The following PSTPIP1 variants were observed in gnomAD, a reference collection of about 807,000 sequenced individuals.
The protein encoded by PSTPIP1 is proline-serine-threonine phosphatase-interacting protein 1.
A neutral mutation model predicts 69.6 loss-of-function variants in PSTPIP1; 66 were observed. The observed-to-expected ratio is 0.95, with a 90% CI of 0.78 to 1.16. The LOEUF is 1.16. Ranked by LOEUF, PSTPIP1 falls within the 50% of genes most tolerant of loss-of-function variation. The pLI, the probability that PSTPIP1 is intolerant of heterozygous loss-of-function variation, is 0.00. For synonymous variants in PSTPIP1, 266 were observed against 222.7 expected (o/e 1.19, Z -1.73); for missense variants, 603 against 557.4 (o/e 1.08, Z -0.82).
At chr15:77,030,317 C>T (rs2076384042) in intron 8 of PSTPIP1, among the ~76,000 whole-genome samples, 185 bp from the exon 9 acceptor site, 1 of 152,260 alleles carries the variant, frequency 6.6e-6, no homozygotes, top group Admixed American at 6.5e-5. Flanking sequence ...AGTTGGGGAG[C>T]AGCAGCAGCA....
At chr15:76,997,469 T>C (rs1219957063) in intron 1 of PSTPIP1, among the ~76,000 whole-genome samples, 1 of 152,248 alleles carries the variant, frequency 6.6e-6, no homozygotes, top group Admixed American at 6.5e-5. Context: ...GCACGAAAGA[T>C]GTGCCAGGCG....
chr15:77,030,652 C>A, intron 9 of PSTPIP1, 71 bp downstream of exon 9: 2 of 1,437,524 alleles, frequency 1.4e-6, no homozygotes, highest in Non-Finnish European at 1.9e-6. Context: ...ACTCCAGCTG[C>A]TTAAAGGGGC....
rs957529956 is a variant in PSTPIP1 at position 77,007,237 on chromosome 15, A to G, written c.37-10911A>G. ...GGAGGGAAGGCCTGGAGGCTGGGTCACCAACTTCCTCAGTGGATCAAGATA... is the reference window on the plus strand; with the variant it reads ...GGAGGGAAGGCCTGGAGGCTGGGTCGCCAACTTCCTCAGTGGATCAAGATA... On this transcript the variant is annotated intron_variant, in intron 1 of 14. Transcript: ENST00000558012. Among the ~76,000 whole-genome samples, 6 of 152,294 alleles carry G rather than the reference A, an allele frequency of 3.9e-5. No individual in the cohort carries two copies. In the South Asian group the frequency reaches 1.2e-3, roughly 32 times the overall value.
At chr15:77,035,468 T>C in intron 12 of PSTPIP1, 40 bp from the exon 13 acceptor site, 1 of 1,557,972 alleles carries the variant, frequency 6.4e-7, no homozygotes, top group Non-Finnish European at 8.7e-7. Context: ...TCCCTGAGTG[T>C]GGGGCGGGGA....
At position 77,028,566 on chromosome 15, in the gene PSTPIP1, T is replaced by A. The variant is rs377240256; in HGVS notation, c.430T>A (p.Tyr144Asn). ...YKKAMESKKT[Y>N]EQKCRDADDA... ...TCCACACCCCCAGTCCAAGAAGACA[T>A]ACGAGCAGAAGTGCCGGGACGCGGA... The change falls in exon 7 of 15, where the codon TAC becomes AAC. Residue 144 changes from tyrosine to asparagine, a missense_variant. Coordinates refer to ENST00000558012, the MANE Select transcript of PSTPIP1 (RefSeq NM_003978.5). 1.9e-6 allele frequency: 3 copies of A among 1,601,642 alleles called. No individual in the cohort carries two copies. The highest frequency in any genetic ancestry group is 1.7e-5 in the Admixed American group (1 of 58,234).
At chr15:77,006,187 C>T (rs973517969) in intron 1 of PSTPIP1, among the ~76,000 whole-genome samples, 5 of 151,936 alleles carry the variant, frequency 3.3e-5, no homozygotes, top group Admixed American at 2.6e-4. Context: ...AATATCTCAT[C>T]GTAGTTTTGA....
intron 1 of PSTPIP1, among the ~76,000 whole-genome samples, chr15:77,004,687 T>TAAA (rs71143383): frequency 1.4e-5 from 2 of 142,668 alleles, no homozygotes; most frequent in Non-Finnish European, 1.5e-5. Flanking sequence ...AACCACTTCT[T>TAAA]AAAAAAAAAA....
In PSTPIP1 at chr15:77,020,879, G is replaced by C. The variant is rs77589398; in HGVS notation, c.212+2348G>C. Among the ~76,000 whole-genome samples, 9 of 128,300 alleles carry C rather than the reference G, an allele frequency of 7.0e-5. No homozygotes were observed. The East Asian group carries it at 9.8e-4, about 14-fold the overall frequency. 84.2% of individuals were successfully genotyped at this position (128,300 alleles called of 152,430 possible). A position where few individuals can be genotyped will look rare whatever the true frequency, so the allele number is the denominator to read the frequency against. On this transcript the variant is annotated intron_variant, in intron 3 of 14. Coordinates refer to ENST00000558012, the MANE Select transcript of PSTPIP1 (RefSeq NM_003978.5). ...ATCTTAGACTCCTGTGGGGGGGGGG[G>C]GTGTGTGTGTTGGCCCTCAGGAAAG...
upstream of PSTPIP1, chr15:76,994,823 C>G (rs2075538546): frequency 7.8e-7 from 1 of 1,289,000 alleles, no homozygotes; most frequent in African/African-American, 1.5e-5. Flanking sequence ...TGGGTAAGCC[C>G]CTCCAGAATG....
At chr15:76,995,830 G>A (rs1253968076) in intron 1 of PSTPIP1, among the ~76,000 whole-genome samples, 4 of 152,200 alleles carry the variant, frequency 2.6e-5, no homozygotes, top group Admixed American at 6.5e-5. Context: ...CTGCTGCCCC[G>A]TGTGTTTTCT....
rs532910548 is a variant in PSTPIP1 at position 77,027,196 on chromosome 15, C to T, written c.355-656C>T. ...CCTCCCCTGAGACCCCAGGCACAAA[C>T]TGGCTCAGTTCTCCTCCTACCTCAT... On this transcript the variant is annotated intron_variant, in intron 5 of 14. Coordinates refer to ENST00000558012, the MANE Select transcript of PSTPIP1 (RefSeq NM_003978.5). This position sits in a 1 kb window ranked among gnomAD's most constrained non-coding sequence, Gnocchi z 4.3. Among the ~76,000 whole-genome samples the T allele has an allele frequency of 9.8e-5, 15 of 152,378 alleles. 1 individual carries two copies. The South Asian group carries it at 3.1e-3, about 32-fold the overall frequency.
At chr15:77,016,124 G>A (rs1018065848) in intron 1 of PSTPIP1, 6 of 450,526 alleles carry the variant, frequency 1.3e-5, no homozygotes, top group African/African-American at 1.2e-4. Context: ...AGGAAGGAAT[G>A]ACAGGTCCCC....
At chr15:77,031,528 C>T in intron 10 of PSTPIP1, 2 of 389,710 alleles carry the variant, frequency 5.1e-6, no homozygotes, top group South Asian at 5.2e-5. Context: ...CCTCCTTATG[C>T]CTCAGAGCCA....
intron 6 of PSTPIP1, among the ~76,000 whole-genome samples, 184 bp downstream of exon 6, chr15:77,028,098 C>T (rs1413991797): frequency 6.6e-6 from 1 of 152,036 alleles, no homozygotes; most frequent in Non-Finnish European, 1.5e-5. Context: ...GCGCTATGGC[C>T]CCGTGGGGAT....
At chr15:76,997,882 C>T (rs1596034128) in intron 1 of PSTPIP1, among the ~76,000 whole-genome samples, 1 of 150,216 alleles carries the variant, frequency 6.7e-6, no homozygotes, top group East Asian at 1.9e-4. Context: ...TGGGCCTTCC[C>T]CCACCCCAGC....
chr15:77,009,573 C>T (rs2075890873), intron 1 of PSTPIP1, among the ~76,000 whole-genome samples: 1 of 152,176 alleles, frequency 6.6e-6, no homozygotes, highest in Non-Finnish European at 1.5e-5. Context: ...ACGCCCCTTC[C>T]CTGGGCTCCT....
intron 1 of PSTPIP1, among the ~76,000 whole-genome samples, chr15:77,012,714 G>C (rs990237642): frequency 6.6e-6 from 1 of 152,224 alleles, no homozygotes; most frequent in East Asian, 1.9e-4. Context: ...CTATACAATG[G>C]GGATGATAAT....
chr15:77,008,942 A>G (rs1417006923), intron 1 of PSTPIP1, among the ~76,000 whole-genome samples: 1 of 152,196 alleles, frequency 6.6e-6, no homozygotes, highest in Non-Finnish European at 1.5e-5. Flanking sequence ...TTTACTTGGC[A>G]GGCGCCATCT....
rs2152685435 is a variant in PSTPIP1 at position 77,027,901 on chromosome 15, A to G, written c.404A>G (p.Lys135Arg). ...CAGAAGAGCAAGCTGTCGCTCTACA[A>G]GAAGGCCATGGAGGTGAGCGCCAGG... is the stretch of plus-strand genomic sequence containing the variant. ...RVQKSKLSLY[K>R]KAMESKKTYE... Residue 135 changes from lysine to arginine, a missense_variant, in exon 6 of 15, where the codon AAG becomes AGG. Coordinates refer to ENST00000558012, the MANE Select transcript of PSTPIP1 (RefSeq NM_003978.5). This position sits in a 1 kb window ranked among gnomAD's most constrained non-coding sequence, Gnocchi z 4.3. 6.4e-7 allele frequency: 1 copy of G among 1,564,012 alleles called. No homozygotes were observed. The highest frequency in any genetic ancestry group is 1.2e-5 in the South Asian group (1 of 84,734).
Sources: gnomAD v4.1 joint callset for allele counts (sites outside exome capture counted in the v4.1 genomes callset) on GRCh38, gnomAD v4.1.1 for gene constraint, Gnocchi (gnomAD v3.1) non-coding constraint, MANE v1.5 for transcripts, NCBI Gene and HGNC (gene_info 2026-07-23, HGNC 2026-07-21) for gene names.